The following TXNRD1 variants were observed in gnomAD, a reference collection of about 807,000 sequenced individuals.
TXNRD1 encodes thioredoxin reductase 1.
TXNRD1 carries 57 observed loss-of-function variants against 80.3 expected under a neutral mutation model. The ratio of observed to expected loss-of-function variants is 0.71; its 90% confidence interval spans 0.57 to 0.89. TXNRD1 has a LOEUF of 0.89. TXNRD1 is among the 40% of genes least tolerant of loss of function. The pLI is 0.00. For synonymous variants in TXNRD1, 291 were observed against 285.2 expected, an observed-to-expected ratio of 1.02 and a Z score of -0.20; for missense variants, 730 against 803.0, an observed-to-expected ratio of 0.91 and a Z score of 1.10.
chr12:104,283,502 C>T (rs1205894838), intron 3 of TXNRD1, among the ~76,000 whole-genome samples: 1 of 151,918 alleles, frequency 6.6e-6, no homozygotes, highest in Non-Finnish European at 1.5e-5. Context: ...CACCTGCCTC[C>T]GCCTCCCAAA....
chr12:104,239,505 A>C (rs1372761958), intron 1 of TXNRD1, among the ~76,000 whole-genome samples: 4 of 151,882 alleles, frequency 2.6e-5, no homozygotes, highest in African/African-American at 9.7e-5. Flanking sequence ...AAGAGTTTTT[A>C]TTGCTAATTC....
chr12:104,240,155 AT>A (rs35943459), intron 1 of TXNRD1, among the ~76,000 whole-genome samples: 26 of 152,142 alleles, frequency 1.7e-4, no homozygotes, highest in Non-Finnish European at 2.8e-4. Context: ...GATTGTATAG[AT>A]TGGTAGGGTA....
At chr12:104,286,591 T>TCC in intron 3 of TXNRD1, 3 of 342,894 alleles carry the variant, frequency 8.7e-6, no homozygotes, top group Non-Finnish European at 1.2e-5. Flanking sequence ...TTGGAGTTTT[T>TCC]TTTTTTTTTT....
chr12:104,248,362 G>A (rs1412605793), intron 1 of TXNRD1, among the ~76,000 whole-genome samples: 1 of 152,158 alleles, frequency 6.6e-6, no homozygotes, highest in East Asian at 1.9e-4. Flanking sequence ...TTGGCTCACT[G>A]CAACCTCCAC....
At chr12:104,329,974 C>G (rs1220852104) in intron 13 of TXNRD1, among the ~76,000 whole-genome samples, 1 of 152,258 alleles carries the variant, frequency 6.6e-6, no homozygotes, top group Non-Finnish European at 1.5e-5. Flanking sequence ...GCCTCTTGGT[C>G]GATGTCTTAA....
chr12:104,271,865 A>G (rs2033658492), intron 3 of TXNRD1, among the ~76,000 whole-genome samples: 1 of 133,386 alleles, frequency 7.5e-6, no homozygotes, highest in South Asian at 2.4e-4. Context: ...GCGAGACTCC[A>G]TCTCAAAAAA....
chr12:104,326,289 A>T, intron 11 of TXNRD1, 58 bp from the exon 12 acceptor site: 2 of 1,140,132 alleles, frequency 1.8e-6, no homozygotes, highest in Non-Finnish European at 2.5e-6. Context: ...AAATATGATT[A>T]GGTAATAAAT....
At chr12:104,282,245 A>C (rs2033894265) in intron 3 of TXNRD1, among the ~76,000 whole-genome samples, 1 of 152,204 alleles carries the variant, frequency 6.6e-6, no homozygotes, top group South Asian at 2.1e-4. Context: ...GGGCAAAATT[A>C]GTCCTAGAGT....
At chr12:104,308,051 A>G (rs1230679507) in intron 4 of TXNRD1, among the ~76,000 whole-genome samples, 2 of 149,922 alleles carry the variant, frequency 1.3e-5, no homozygotes, top group African/African-American at 4.9e-5. Flanking sequence ...GCTGGAGTGC[A>G]GTGGCATGAT....
intron 1 of TXNRD1, among the ~76,000 whole-genome samples, chr12:104,220,679 C>T (rs769205465): frequency 2.1e-5 from 3 of 141,022 alleles, no homozygotes; most frequent in South Asian, 2.4e-4. Flanking sequence ...GAGCTGAGGT[C>T]GTGCCATTGC....
chr12:104,288,769 C>T (rs760699004), intron 3 of TXNRD1, 162 bp from the exon 4 acceptor site: 4 of 1,524,492 alleles, frequency 2.6e-6, no homozygotes, highest in Non-Finnish European at 3.5e-6. Context: ...GAGTTCTAGC[C>T]TTTGTCAGAA....
intron 4 of TXNRD1, among the ~76,000 whole-genome samples, chr12:104,309,288 G>A (rs1297700749): frequency 6.6e-6 from 1 of 152,184 alleles, no homozygotes; most frequent in Non-Finnish European, 1.5e-5. Flanking sequence ...CTTAAAAATG[G>A]TGAGGTTCAT....
chr12:104,295,543 A>G (rs953446623), intron 4 of TXNRD1, among the ~76,000 whole-genome samples: 1 of 152,168 alleles, frequency 6.6e-6, no homozygotes, highest in East Asian at 1.9e-4. Context: ...TTTTCTGGTT[A>G]TCTCCTGCTC....
At chr12:104,321,989 T>C (rs1417517976) in intron 10 of TXNRD1, among the ~76,000 whole-genome samples, 1 of 151,846 alleles carries the variant, frequency 6.6e-6, no homozygotes, top group Non-Finnish European at 1.5e-5. Context: ...TAAGGAATTA[T>C]AGTTGTCTTT....
intron 2 of TXNRD1, among the ~76,000 whole-genome samples, chr12:104,253,447 G>A (rs1193804044): frequency 2.0e-5 from 3 of 152,052 alleles, no homozygotes; most frequent in Non-Finnish European, 4.4e-5. Context: ...GGCTTAAGAA[G>A]AAAAATGATC....
intron 4 of TXNRD1, among the ~76,000 whole-genome samples, chr12:104,292,144 C>G (rs1002361527): frequency 6.6e-6 from 1 of 152,152 alleles, no homozygotes; most frequent in Non-Finnish European, 1.5e-5. Flanking sequence ...CAAAACCTAC[C>G]CTGCTTTCAC....
intron 1 of TXNRD1, among the ~76,000 whole-genome samples, chr12:104,221,299 G>A (rs965206995): frequency 8.6e-5 from 13 of 151,946 alleles, no homozygotes; most frequent in Admixed American, 5.2e-4. Flanking sequence ...TGGGTTTTTC[G>A]TTTGTTTGGA....
rs1346240933 is a variant in TXNRD1 at position 104,346,046 on chromosome 12, C to T, written c.1882-2307C>T. 3 of 1,249,000 alleles carry T rather than the reference C, an allele frequency of 2.4e-6. No homozygotes were observed. The Admixed American group carries it at 6.9e-5, about 29-fold the overall frequency. 77.4% of individuals were successfully genotyped at this position (1,249,000 alleles called of 1,614,324 possible). On this transcript the variant is annotated intron_variant, in intron 16 of 16. Coordinates refer to ENST00000525566, the MANE Select transcript of TXNRD1 (RefSeq NM_001093771.3). ...TTTTTCATTTATTTGAGATAGGGTTCCTGTCACCCAGGCTGGAGTGCAGTG... is the reference window on the plus strand; with the variant it reads ...TTTTTCATTTATTTGAGATAGGGTTTCTGTCACCCAGGCTGGAGTGCAGTG...
At chr12:104,347,077 A>G (rs949262158) in intron 16 of TXNRD1, among the ~76,000 whole-genome samples, 4 of 152,222 alleles carry the variant, frequency 2.6e-5, no homozygotes, top group African/African-American at 9.6e-5. Context: ...CCTGGGTGAC[A>G]GAGTGAGACT....
Sources: allele counts gnomAD v4.1 joint callset (sites outside exome capture counted in the v4.1 genomes callset), GRCh38; gene constraint gnomAD v4.1.1; transcripts MANE v1.5; gene names NCBI Gene and HGNC (gene_info 2026-07-23, HGNC 2026-07-21).